Variants in KAZN observed in about 807,000 individuals in gnomAD.
KAZN encodes the protein kazrin, periplakin interacting protein, also known as kazrin.
Under a neutral mutation model 87.4 loss-of-function variants are expected in KAZN, and 40 were observed. That is an observed-to-expected ratio of 0.46 (90% CI 0.36 to 0.60). The LOEUF (loss-of-function observed/expected upper bound fraction) is 0.60, where lower values mean the gene tolerates loss of function less well. KAZN is among the 20% of genes least tolerant of loss of function. The pLI, the probability that KAZN is intolerant of heterozygous loss-of-function variation, is 0.00. For missense variants in KAZN, 898 were observed against 1,073.9 expected (o/e 0.84, Z 2.29); for synonymous variants, 466 against 458.3 (o/e 1.02, Z -0.22).
chr1:14,192,578 C>T (rs1274132696), intron 2 of KAZN, among the ~76,000 whole-genome samples: 1 of 152,128 alleles, frequency 6.6e-6, no homozygotes, highest in Non-Finnish European at 1.5e-5. Flanking sequence ...AAAACTTGTT[C>T]TAGAAGCACA....
intron 1 of KAZN, among the ~76,000 whole-genome samples, chr1:14,605,167 T>C (rs1677263288): frequency 6.6e-6 from 1 of 152,240 alleles, no homozygotes; most frequent in East Asian, 1.9e-4. Flanking sequence ...TGGGACCATC[T>C]TGAAGCCTGT....
At chr1:14,129,077 C>G (rs1007434709) in intron 1 of KAZN, among the ~76,000 whole-genome samples, 2 of 152,158 alleles carry the variant, frequency 1.3e-5, no homozygotes, top group African/African-American at 4.8e-5. Flanking sequence ...CTAAAAGGCA[C>G]TGATTTTTCT....
At chr1:14,611,206 T>C (rs11576795) in intron 1 of KAZN, among the ~76,000 whole-genome samples, 6,124 of 152,262 alleles carry the variant, frequency 0.04, 137 homozygotes, top group South Asian at 0.066. Flanking sequence ...CACTGACTCC[T>C]AAGTGGCAAG....
intron 2 of KAZN, among the ~76,000 whole-genome samples, chr1:14,442,909 C>T (rs1666780375): frequency 6.6e-6 from 1 of 152,180 alleles, no homozygotes; most frequent in Non-Finnish European, 1.5e-5. Context: ...ACACGTGGGT[C>T]ATTTATAGGA....
At chr1:14,198,411 C>T (rs916470713) in intron 2 of KAZN, among the ~76,000 whole-genome samples, 1 of 152,092 alleles carries the variant, frequency 6.6e-6, no homozygotes, top group Admixed American at 6.6e-5. Flanking sequence ...ACCAGCCTGG[C>T]TGACATGGCA....
At chr1:14,226,775 C>T (rs1038402815) in intron 2 of KAZN, among the ~76,000 whole-genome samples, 4 of 152,088 alleles carry the variant, frequency 2.6e-5, no homozygotes, top group African/African-American at 9.7e-5. Flanking sequence ...GAGCCATTAT[C>T]CTAAGTAAAT....
At chr1:14,489,773 G>A (rs1421778368) in intron 2 of KAZN, among the ~76,000 whole-genome samples, 1 of 120,618 alleles carries the variant, frequency 8.3e-6, no homozygotes, top group Non-Finnish European at 1.9e-5. Context: ...TAATAATAAT[G>A]AATACACTGT....
chr1:14,402,997 T>C (rs1406756976), intron 2 of KAZN, among the ~76,000 whole-genome samples: 2 of 152,152 alleles, frequency 1.3e-5, no homozygotes, highest in Non-Finnish European at 2.9e-5. Flanking sequence ...TGGCTAATTT[T>C]TGTATTTCTA....
At chr1:14,114,788 G>A (rs1644576923) in intron 1 of KAZN, among the ~76,000 whole-genome samples, 2 of 152,154 alleles carry the variant, frequency 1.3e-5, no homozygotes, top group African/African-American at 4.8e-5. Context: ...CAAGCTTGCT[G>A]CATACTAGAA....
chr1:15,051,064 C>G (rs935720156), intron 4 of KAZN, among the ~76,000 whole-genome samples: 1 of 152,224 alleles, frequency 6.6e-6, no homozygotes, highest in African/African-American at 2.4e-5. Context: ...GCCCGTTTGG[C>G]GCAGTGTGCC....
At chr1:15,101,136 A>T (rs1451188957) in intron 10 of KAZN, among the ~76,000 whole-genome samples, 2 of 107,684 alleles carry the variant, frequency 1.9e-5, no homozygotes, top group African/African-American at 6.3e-5. Flanking sequence ...TTCTCTGTTG[A>T]TCCCTTTCTG....
At chr1:14,955,266 G>C (rs1289707181) in intron 1 of KAZN, among the ~76,000 whole-genome samples, 1 of 152,286 alleles carries the variant, frequency 6.6e-6, no homozygotes, top group East Asian at 1.9e-4. Flanking sequence ...ACAGTGCTCA[G>C]TGTGCCAGGC....
chr1:14,382,781 G>C (rs1469037427), intron 2 of KAZN, among the ~76,000 whole-genome samples: 1 of 149,968 alleles, frequency 6.7e-6, no homozygotes, highest in Non-Finnish European at 1.5e-5. Flanking sequence ...ATAAACATAC[G>C]TGTGCATGTG....
At position 14,775,540 on chromosome 1, in the gene KAZN, G is replaced by A. The variant is rs540760904; in HGVS notation, c.226+176317G>A. 2.2e-4 allele frequency among the ~76,000 whole-genome samples: 33 copies of A among 152,384 alleles called. 2 individuals are homozygous for A. In the South Asian group the frequency reaches 6.6e-3, roughly 31 times the overall value. ...GTGGACACAGGAGAAGGTAGATCAT[G>A]AGAACCTGGGCTCCTGACACAAGCT... On this transcript the variant is annotated intron_variant, in intron 1 of 14. Coordinates refer to ENST00000376030, the MANE Select transcript of KAZN (RefSeq NM_201628.3).
chr1:14,331,684 C>T (rs780886364), intron 2 of KAZN, among the ~76,000 whole-genome samples: 53 of 151,968 alleles, frequency 3.5e-4, no homozygotes, highest in Admixed American at 5.2e-4. Context: ...TACTAAGCAC[C>T]GTCTATCACC....
chr1:14,302,862 C>T (rs1392118218), intron 2 of KAZN, among the ~76,000 whole-genome samples: 1 of 152,032 alleles, frequency 6.6e-6, no homozygotes, highest in Non-Finnish European at 1.5e-5. Context: ...TAAGGTTGAG[C>T]GACGTGAGTT....
chr1:14,070,250 A>T (rs2101553908), intron 1 of KAZN, among the ~76,000 whole-genome samples: 1 of 149,700 alleles, frequency 6.7e-6, no homozygotes, highest in Non-Finnish European at 1.5e-5. Context: ...AAGGGAGGTG[A>T]AGGGATTAAG....
At chr1:14,705,403 G>A (rs561540160) in intron 1 of KAZN, among the ~76,000 whole-genome samples, 129 of 152,250 alleles carry the variant, frequency 8.5e-4, no homozygotes, top group South Asian at 5.0e-3. Context: ...TAGAACCACC[G>A]TATGATCCAG....
intron 1 of KAZN, among the ~76,000 whole-genome samples, chr1:14,118,357 T>C (rs1644676163): frequency 6.6e-6 from 1 of 152,228 alleles, no homozygotes; most frequent in African/African-American, 2.4e-5. Context: ...GAACATGTTA[T>C]TCATTCTTCC....
Sources: allele counts gnomAD v4.1 joint callset (sites outside exome capture counted in the v4.1 genomes callset), GRCh38; gene constraint gnomAD v4.1.1; transcripts MANE v1.5; gene names NCBI Gene and HGNC (gene_info 2026-07-23, HGNC 2026-07-21).